Variants in RBMS3 observed in about 807,000 individuals in gnomAD.
RBMS3 encodes the protein RNA-binding motif, single-stranded-interacting protein 3.
Under a neutral mutation model 66.8 loss-of-function variants are expected in RBMS3, and 27 were observed. That is an observed-to-expected ratio of 0.40 (90% CI 0.30 to 0.56). The LOEUF (loss-of-function observed/expected upper bound fraction) is 0.56. Among genes scored for constraint, RBMS3 ranks in the 20% least tolerant of loss-of-function variants. The pLI is 0.40. For synonymous variants in RBMS3, 188 were observed against 183.0 expected (o/e 1.03, Z -0.22); for missense variants, 513 against 549.5 (o/e 0.93, Z 0.66).
At chr3:29,397,545 T>A (rs186265249) in intron 1 of RBMS3, among the ~76,000 whole-genome samples, 2 of 152,202 alleles carry the variant, frequency 1.3e-5, no homozygotes, top group East Asian at 3.9e-4. Context: ...TAGTTTGGAA[T>A]GAGGAAGTGA....
intron 10 of RBMS3, among the ~76,000 whole-genome samples, chr3:29,911,461 C>A (rs61227525): frequency 6.6e-6 from 1 of 151,998 alleles, no homozygotes; most frequent in African/African-American, 2.4e-5. Flanking sequence ...CCTAGAGTTC[C>A]GTTTGCATTT....
At chr3:29,829,620 C>G (rs370717799) in intron 6 of RBMS3, among the ~76,000 whole-genome samples, 10 of 152,120 alleles carry the variant, frequency 6.6e-5, no homozygotes, top group African/African-American at 2.4e-4. Flanking sequence ...TTTTAAAAAA[C>G]TGTTTTACCC....
At chr3:29,930,658 C>G (rs2061095659) in intron 10 of RBMS3, among the ~76,000 whole-genome samples, 1 of 151,880 alleles carries the variant, frequency 6.6e-6, no homozygotes, top group African/African-American at 2.4e-5. Context: ...AAAATGTTAC[C>G]AGACATTGCA....
chr3:29,356,537 A>G (rs2037232363), intron 1 of RBMS3, among the ~76,000 whole-genome samples: 1 of 152,060 alleles, frequency 6.6e-6, no homozygotes, highest in Non-Finnish European at 1.5e-5. Flanking sequence ...AGTGACTTTC[A>G]TTCTATTAAA....
intron 3 of RBMS3, among the ~76,000 whole-genome samples, chr3:29,566,360 A>T (rs2149058263): frequency 6.6e-6 from 1 of 152,230 alleles, no homozygotes; most frequent in African/African-American, 2.4e-5. Flanking sequence ...GCAGGTGCAA[A>T]AGCCTCAATG....
chr3:29,539,488 T>G (rs1181824622), intron 3 of RBMS3, among the ~76,000 whole-genome samples: 2 of 152,132 alleles, frequency 1.3e-5, no homozygotes, highest in African/African-American at 4.8e-5. Context: ...CTTGAAGCCC[T>G]TTTACCTCCC....
intron 4 of RBMS3, among the ~76,000 whole-genome samples, chr3:29,659,539 A>C (rs144342086): frequency 2.6e-5 from 4 of 152,202 alleles, no homozygotes; most frequent in African/African-American, 7.2e-5. Context: ...AAGATCATGC[A>C]TGTTGTAGCA....
At chr3:29,411,974 G>T (rs911956096) in intron 1 of RBMS3, among the ~76,000 whole-genome samples, 1 of 152,134 alleles carries the variant, frequency 6.6e-6, no homozygotes, top group Admixed American at 6.6e-5. Flanking sequence ...ACAATGATTT[G>T]AACTTATTTA....
intron 1 of RBMS3, among the ~76,000 whole-genome samples, chr3:29,372,894 C>CA (rs1422697305): frequency 2.0e-5 from 3 of 147,040 alleles, no homozygotes; most frequent in Non-Finnish European, 3.0e-5. Context: ...AAAAAAAAAA[C>CA]AAAAAAGAAA....
At chr3:29,365,992 A>C (rs888367653) in intron 1 of RBMS3, among the ~76,000 whole-genome samples, 1 of 152,098 alleles carries the variant, frequency 6.6e-6, no homozygotes, top group African/African-American at 2.4e-5. Flanking sequence ...ATTTGCTCTT[A>C]TTATTTTGAC....
At chr3:29,308,489 A>AAAACC (rs2034156185) in intron 1 of RBMS3, among the ~76,000 whole-genome samples, 1 of 151,766 alleles carries the variant, frequency 6.6e-6, no homozygotes, top group Non-Finnish European at 1.5e-5. Flanking sequence ...AAGAAGAGAA[A>AAAACC]ATAAATGCTT....
intron 4 of RBMS3, 72 bp from the exon 5 acceptor site, chr3:29,739,648 A>G (rs1042979932): frequency 1.5e-6 from 2 of 1,365,012 alleles, no homozygotes; most frequent in African/African-American, 2.9e-5. Flanking sequence ...CAGTTTAAAC[A>G]AAAGTTTCTC....
At chr3:29,587,248 T>TTGTG (rs745367344) in intron 4 of RBMS3, 43 bp downstream of exon 4, 45 of 366,698 alleles carry the variant, frequency 1.2e-4, no homozygotes, top group African/African-American at 6.8e-4. Flanking sequence ...TTTTTTTTTT[T>TTGTG]TGTGTGTGTG....
chr3:29,859,149 G>A (rs571033499), intron 6 of RBMS3, among the ~76,000 whole-genome samples: 13 of 152,152 alleles, frequency 8.5e-5, no homozygotes, highest in South Asian at 6.2e-4. Flanking sequence ...AAGGATAGGC[G>A]TAAACATGAG....
At chr3:29,655,788 A>C (rs2149220054) in intron 4 of RBMS3, among the ~76,000 whole-genome samples, 1 of 152,298 alleles carries the variant, frequency 6.6e-6, no homozygotes, top group Middle Eastern at 3.4e-3. Context: ...AGATGAAGGC[A>C]TTATTACAGA....
At chr3:29,297,445 G>A (rs1181212759) in intron 1 of RBMS3, among the ~76,000 whole-genome samples, 1 of 151,792 alleles carries the variant, frequency 6.6e-6, no homozygotes, top group African/African-American at 2.4e-5. Context: ...TCCTTAAGAT[G>A]GCTCCGATCA....
intron 12 of RBMS3, among the ~76,000 whole-genome samples, chr3:29,975,189 G>T (rs1697503825): frequency 6.8e-6 from 1 of 147,852 alleles, no homozygotes; most frequent in African/African-American, 2.5e-5. Flanking sequence ...ATGAAATTTA[G>T]GTGACTTCCA....
intron 4 of RBMS3, among the ~76,000 whole-genome samples, chr3:29,595,234 T>A (rs1971923): frequency 2.0e-5 from 3 of 151,316 alleles, no homozygotes; most frequent in Non-Finnish European, 4.4e-5. Context: ...CTGTCTCTAC[T>A]AAAAATACAA....
At chr3:29,378,466 C>A (rs764232688) in intron 1 of RBMS3, among the ~76,000 whole-genome samples, 1 of 140,760 alleles carries the variant, frequency 7.1e-6, no homozygotes. Context: ...AGTGAGACTC[C>A]GTCTCAAAAA....
Sources: gnomAD v4.1 joint callset for allele counts (sites outside exome capture counted in the v4.1 genomes callset) on GRCh38, gnomAD v4.1.1 for gene constraint, MANE v1.5 for transcripts, NCBI Gene and HGNC (gene_info 2026-07-23, HGNC 2026-07-21) for gene names.